The following KIDINS220 variants were observed in gnomAD, a reference collection of about 807,000 sequenced individuals.
The protein encoded by KIDINS220 is kinase D interacting substrate 220.
In KIDINS220, 63 loss-of-function variants were observed where a neutral mutation model predicts 157.6. The observed-to-expected ratio is 0.40, with a 90% confidence interval of 0.33 to 0.49. KIDINS220 has a LOEUF of 0.49. KIDINS220 is among the 20% of genes least tolerant of loss of function. The probability of loss-of-function intolerance (pLI) is 0.66; values close to 1 mark genes in which losing one functional copy is unlikely to be tolerated. For missense variants in KIDINS220, 1,772 were observed against 2,171.2 expected (o/e 0.82, Z 3.65); for synonymous variants, 732 against 783.6 (o/e 0.93, Z 1.10).
At chr2:8,802,839 C>T in intron 8 of KIDINS220, 91 bp downstream of exon 8, 1 of 963,372 alleles carries the variant, frequency 1.0e-6, no homozygotes, top group Non-Finnish European at 1.6e-6. Flanking sequence ...AAGTTTATGT[C>T]ATGCATGAGA....
chr2:8,772,474 G>A (rs12692371), intron 21 of KIDINS220, among the ~76,000 whole-genome samples: 151,136 of 152,146 alleles, frequency 0.99, 75,073 homozygotes, highest in Middle Eastern at 1. Context: ...AGACTATCTC[G>A]AAAAAAAACA....
At chr2:8,807,640 C>T (rs1235559371) in intron 6 of KIDINS220, among the ~76,000 whole-genome samples, 2 of 152,184 alleles carry the variant, frequency 1.3e-5, no homozygotes, top group African/African-American at 4.8e-5. Context: ...CCACAGCAAC[C>T]AACCACACTG....
intron 29 of KIDINS220, 146 bp from the exon 30 acceptor site, chr2:8,732,128 G>GCTTTTGTT: frequency 1.6e-6 from 1 of 642,940 alleles, no homozygotes; most frequent in Non-Finnish European, 2.3e-6. Context: ...ACATAACACA[G>GCTTTTGTT]ATTAACAAAA....
chr2:8,766,315 ATACC>A (rs901296916), intron 22 of KIDINS220, among the ~76,000 whole-genome samples: 3 of 152,066 alleles, frequency 2.0e-5, no homozygotes, highest in African/African-American at 7.2e-5. Flanking sequence ...GCTTTCTCAG[ATACC>A]TGCCTGGAAA....
chr2:8,755,287 T>C lies in KIDINS220; in HGVS notation c.3012-3643A>G, dbSNP rs7593858. Among the ~76,000 whole-genome samples, 611 of 152,316 alleles carry C rather than the reference T, an allele frequency of 4.0e-3. 7 individuals are homozygous for C. Among genetic ancestry groups the C allele is most frequent in the African/African-American group, 0.014 (582 of 41,572 alleles). ...AGAGAGCATCCTGGAGACCAACTTA[T>C]GTTCCTTCATTACAAGCCCCCAGAG... On this transcript the variant is annotated intron_variant, in intron 22 of 29. Coordinates refer to ENST00000256707, the MANE Select transcript of KIDINS220 (RefSeq NM_020738.4).
In KIDINS220 at chr2:8,803,030, T is replaced by C; in HGVS notation, c.701A>G (p.Lys234Arg). The C allele has an allele frequency of 6.2e-7, 1 of 1,613,752 alleles. No homozygotes were observed. Among genetic ancestry groups the C allele is most frequent in the Non-Finnish European group, 8.5e-7 (1 of 1,179,956 alleles). ...AATCATCAAAGCTGTATTTCCATCT[T>C]TATCTGTTAAGTTTACATTTGGATT... ...KRNPNVNLTD[K>R]DGNTALMIAS... Residue 234 changes from lysine to arginine, a missense_variant, in exon 8 of 30, where the codon AAA (lysine) becomes AGA (arginine). Lys to Arg is a conservative substitution (Grantham distance 26). Coordinates refer to ENST00000256707, the MANE Select transcript of KIDINS220 (RefSeq NM_020738.4).
rs1665237639 is a variant in KIDINS220 at position 8,738,863 on chromosome 2, T to C, written c.3586-1864A>G. On this transcript the variant is annotated intron_variant, in intron 26 of 29. Transcript: ENST00000256707. ...TTTTAATTTTTGCTTTTGATTATTA[T>C]ACTACAGTTATGAAAGATGTTTACA... 2.0e-5 allele frequency among the ~76,000 whole-genome samples: 3 copies of C among 152,246 alleles called. No individual in the cohort carries two copies. The South Asian group carries it at 6.2e-4, about 31-fold the overall frequency.
chr2:8,750,955 T>C (rs1667266834), intron 23 of KIDINS220, among the ~76,000 whole-genome samples: 2 of 152,214 alleles, frequency 1.3e-5, no homozygotes, highest in Non-Finnish European at 1.5e-5. Flanking sequence ...CACAGAGTGG[T>C]ACCTCCAGAA....
chr2:8,785,621 T>G (rs1275316925), intron 17 of KIDINS220, 120 bp downstream of exon 17: 7 of 876,232 alleles, frequency 8.0e-6, no homozygotes, highest in Non-Finnish European at 1.2e-5. Flanking sequence ...ATGAACAAAT[T>G]AAACTAAAAT....
chr2:8,766,706 C>G (rs1402264057), intron 22 of KIDINS220, among the ~76,000 whole-genome samples: 2 of 152,056 alleles, frequency 1.3e-5, no homozygotes, highest in Non-Finnish European at 2.9e-5. Context: ...TGCTGGAAAT[C>G]TAGTAACAAC....
intron 22 of KIDINS220, among the ~76,000 whole-genome samples, chr2:8,765,778 G>A (rs992798159): frequency 1.3e-5 from 2 of 152,022 alleles, no homozygotes; most frequent in Admixed American, 6.6e-5. Flanking sequence ...GTCATGGCAC[G>A]CTGCAGCCTC....
intron 26 of KIDINS220, among the ~76,000 whole-genome samples, chr2:8,738,372 G>A (rs1665181253): frequency 6.6e-6 from 1 of 152,194 alleles, no homozygotes; most frequent in Non-Finnish European, 1.5e-5. Flanking sequence ...CGGGATATTT[G>A]CAGAGTTTCA....
chr2:8,748,861 T>C (rs926910653), intron 24 of KIDINS220, among the ~76,000 whole-genome samples: 5 of 152,230 alleles, frequency 3.3e-5, no homozygotes, highest in Admixed American at 2.6e-4. Flanking sequence ...ACATTATTGT[T>C]ATTCATGAAA....
At chr2:8,756,966 C>G (rs911100031) in intron 22 of KIDINS220, among the ~76,000 whole-genome samples, 1 of 152,148 alleles carries the variant, frequency 6.6e-6, no homozygotes, top group East Asian at 1.9e-4. Flanking sequence ...TAAAGTTAAC[C>G]ACTAAAATGA....
downstream of KIDINS220, chr2:8,726,884 T>C: frequency 7.8e-7 from 1 of 1,285,754 alleles, no homozygotes; most frequent in Non-Finnish European, 1.0e-6. Flanking sequence ...ATTTTTTACA[T>C]ACCTTAGTTT....
chr2:8,777,373 G>A (rs779219418), intron 20 of KIDINS220, among the ~76,000 whole-genome samples: 2 of 152,070 alleles, frequency 1.3e-5, no homozygotes, highest in Non-Finnish European at 2.9e-5. Context: ...ATCATAGCTC[G>A]CTGCAACCTG....
chr2:8,776,972 G>A, intron 20 of KIDINS220, 80 bp from the exon 21 acceptor site: 1 of 1,417,340 alleles, frequency 7.1e-7, no homozygotes. Flanking sequence ...GTTAATAAAT[G>A]TTTATAACAA....
chr2:8,798,049 T>C (rs891418682), intron 10 of KIDINS220, among the ~76,000 whole-genome samples, 153 bp downstream of exon 10: 1 of 152,228 alleles, frequency 6.6e-6, no homozygotes, highest in Non-Finnish European at 1.5e-5. Flanking sequence ...ACACAAATCC[T>C]GAAAGGATAC....
chr2:8,779,247 A>G, intron 18 of KIDINS220, 108 bp from the exon 19 acceptor site: 1 of 1,354,214 alleles, frequency 7.4e-7, no homozygotes, highest in East Asian at 2.4e-5. Flanking sequence ...TTTCTAAACT[A>G]CTATTTCTTT....
Sources: allele counts gnomAD v4.1 joint callset (sites outside exome capture counted in the v4.1 genomes callset), GRCh38; gene constraint gnomAD v4.1.1; transcripts MANE v1.5; gene names NCBI Gene and HGNC (gene_info 2026-07-23, HGNC 2026-07-21).